HCRTR1: variants seen among roughly 807,000 people sequenced by gnomAD.
HCRTR1 encodes the protein orexin/Hypocretin receptor type 1.
Under a neutral mutation model 40.6 loss-of-function variants are expected in HCRTR1, and 28 were observed. The observed-to-expected ratio is 0.69, with a 90% CI of 0.51 to 0.95. HCRTR1 has a LOEUF of 0.95. Ranked by LOEUF, HCRTR1 falls within the 40% of genes least tolerant of loss-of-function variation. The pLI is 0.00. For missense variants in HCRTR1, 482 were observed against 564.7 expected (o/e 0.85, Z 1.48); for synonymous variants, 209 against 230.0 (o/e 0.91, Z 0.83).
downstream of HCRTR1, among the ~76,000 whole-genome samples, chr1:31,628,223 G>A (rs935553836): frequency 7.9e-5 from 12 of 152,244 alleles, no homozygotes; most frequent in African/African-American, 2.2e-4. Context: ...CGTCAAGAAC[G>A]TGGGCAGAGC....
At position 31,627,161 on chromosome 1, in the gene HCRTR1, A is replaced by C. The variant is rs560328924; in HGVS notation, c.*181A>C. The C allele has an allele frequency of 3.1e-5, 44 of 1,427,272 alleles. No individual in the cohort carries two copies. The East Asian group carries it at 1.1e-3, about 35-fold the overall frequency. The allele number at this position is 1,427,272 out of a possible 1,614,324, so 88.4% of individuals were successfully genotyped here. On this transcript the variant is annotated 3_prime_UTR_variant, in exon 9 of 9. Transcript: ENST00000403528. ...AGCAGGGTTGATGTGAGGATTAAGC[A>C]TGCTGAAGCAAGTGGAAAGCTCCTT... is the stretch of plus-strand genomic sequence containing the variant.
intron 4 of HCRTR1, 117 bp from the exon 5 acceptor site, chr1:31,620,726 T>C: frequency 1.5e-6 from 2 of 1,315,480 alleles, no homozygotes; most frequent in Non-Finnish European, 2.1e-6. Context: ...ACACAGCCAG[T>C]AAGTGGTGGA....
chr1:31,621,049 C>T lies in HCRTR1; in HGVS notation c.585C>T (p.Arg195=), dbSNP rs200568446. 5 of 1,611,504 alleles carry T rather than the reference C, an allele frequency of 3.1e-6. No individual in the cohort carries two copies. In the African/African-American group the frequency reaches 5.3e-5, roughly 17 times the overall value. ...GTGTGCTGCCTGAGCTAGCCAACCG[C>T]ACACGGCTCTTCTCAGTCTGTGATG... The part of the protein sequence containing the change: ...CSSVLPELAN[R]TRLFSVCDER... Residue 195 remains arginine, a synonymous_variant, in exon 5 of 9, where the codon CGC becomes CGT. Coordinates refer to ENST00000403528, the MANE Select transcript of HCRTR1 (RefSeq NM_001525.3).
chr1:31,619,473 T>C, intron 3 of HCRTR1, 59 bp from the exon 4 acceptor site: 1 of 1,612,066 alleles, frequency 6.2e-7, no homozygotes, highest in African/African-American at 1.3e-5. Flanking sequence ...GCTCGCTGAT[T>C]AGGCAGAACT....
chr1:31,623,680 T>A lies in HCRTR1; in HGVS notation c.896T>A (p.Met299Lys). 1.9e-6 allele frequency: 3 copies of A among 1,614,180 alleles called. No homozygotes were observed. Among genetic ancestry groups the A allele is most frequent in the Non-Finnish European group, 1.7e-6 (2 of 1,180,038 alleles). The change falls in exon 7 of 9, where the codon ATG (methionine) becomes AAG (lysine). Residue 299 changes from methionine to lysine, a missense_variant. By Grantham distance (95) the Met-to-Lys change is moderately conservative. Coordinates refer to ENST00000403528, the MANE Select transcript of HCRTR1 (RefSeq NM_001525.3). The part of the protein sequence containing the change: ...QMRARRKTAK[M>K]LMVVLLVFAL... The stretch of plus-strand genomic sequence containing the variant: ...CGTGCACGGAGGAAGACAGCCAAGA[T>A]GCTGATGGTGGTGCTGCTGGTCTTC...
At position 31,627,099 on chromosome 1, in the gene HCRTR1, G is replaced by A. The variant is rs201552167; in HGVS notation, c.*119G>A. The A allele has an allele frequency of 6.8e-7, 1 of 1,460,422 alleles. No homozygotes were observed. The highest frequency in any genetic ancestry group is 9.1e-7 in the Non-Finnish European group (1 of 1,093,926). The allele number at this position is 1,460,422 out of a possible 1,614,324, so 90.5% of individuals were successfully genotyped here. ...CTGGGTTTCTGCCTGTGTGACTCTG[G>A]ATAAGTCACTTCCTCTGTCTGAGCT... On this transcript the variant is annotated 3_prime_UTR_variant, in exon 9 of 9. Coordinates refer to ENST00000403528, the MANE Select transcript of HCRTR1 (RefSeq NM_001525.3).
chr1:31,618,641 G>A (rs1433396407), intron 1 of HCRTR1, 115 bp from the exon 2 acceptor site: 1 of 155,162 alleles, frequency 6.4e-6, no homozygotes, highest in African/African-American at 2.4e-5. Flanking sequence ...TGGCTTAAGA[G>A]CTTTGTGACC....
Position 31,625,624 on chromosome 1 carries a change from G to T in HCRTR1, c.1087+506G>T, listed in dbSNP as rs1460777658. Among the ~76,000 whole-genome samples the T allele has an allele frequency of 6.6e-6, 1 of 152,182 alleles. No homozygotes were observed. Among genetic ancestry groups the T allele is most frequent in the Non-Finnish European group, 1.5e-5 (1 of 68,036 alleles). The stretch of plus-strand genomic sequence containing the variant: ...GCTAGACACACTGGCAGAGTGACCG[G>T]AATCTCAGGGGTTGTCCCCTCTGGA... On this transcript the variant is annotated intron_variant, in intron 8 of 8. Coordinates refer to ENST00000403528, the MANE Select transcript of HCRTR1 (RefSeq NM_001525.3). This position sits in a 1 kb window ranked among gnomAD's most constrained non-coding sequence, Gnocchi z 4.2.
intron 6 of HCRTR1, 29 bp from the exon 7 acceptor site, chr1:31,623,494 C>A: frequency 6.3e-7 from 1 of 1,588,566 alleles, no homozygotes; most frequent in Non-Finnish European, 8.6e-7. Flanking sequence ...GCTGTACCCA[C>A]CACTGCTGTC....
At position 31,621,008 on chromosome 1, in the gene HCRTR1, G is replaced by A; in HGVS notation, c.544G>A (p.Val182Ile). Residue 182 changes from valine (V) to isoleucine (I), a missense_variant, in exon 5 of 9, where the codon GTC becomes ATC. Coordinates refer to ENST00000403528, the MANE Select transcript of HCRTR1 (RefSeq NM_001525.3). ...GGCCATCATGGTGCCCCAGGCTGCA[G>A]TCATGGAATGCAGCAGTGTGCTGCC... is the stretch of plus-strand genomic sequence containing the variant. The part of the protein sequence containing the change: ...SLAIMVPQAA[V>I]MECSSVLPEL... 1 of 1,613,800 alleles carries A rather than the reference G, an allele frequency of 6.2e-7. No homozygotes were observed. The highest frequency in any genetic ancestry group is 8.5e-7 in the Non-Finnish European group (1 of 1,180,010).
Position 31,621,895 on chromosome 1 carries a change from G to A in HCRTR1, c.738+303G>A, listed in dbSNP as rs76455885. 6.6e-5 allele frequency among the ~76,000 whole-genome samples: 10 copies of A among 152,168 alleles called. No homozygotes were observed. The East Asian group carries it at 1.3e-3, about 21-fold the overall frequency. Reference sequence around the variant, plus strand: ...CCCACATTAAATATATGAGAAAACCGAGACCCAGAAGATCAACATAACTTC... The same window carrying A: ...CCCACATTAAATATATGAGAAAACCAAGACCCAGAAGATCAACATAACTTC... On this transcript the variant is annotated intron_variant, in intron 6 of 8. Coordinates refer to ENST00000403528, the MANE Select transcript of HCRTR1 (RefSeq NM_001525.3).
intron 6 of HCRTR1, among the ~76,000 whole-genome samples, chr1:31,623,060 G>T (rs909968785): frequency 1.3e-5 from 2 of 152,156 alleles, no homozygotes; most frequent in African/African-American, 4.8e-5. Flanking sequence ...TGGGCGCAGT[G>T]GCTCACACCT....
chr1:31,624,888 G>T, intron 7 of HCRTR1, 109 bp from the exon 8 acceptor site: 1 of 1,202,518 alleles, frequency 8.3e-7, no homozygotes, highest in Non-Finnish European at 1.1e-6. Context: ...GGACAGAAGT[G>T]GGCAGTAGGA....
At chr1:31,619,755 T>TA (rs1245658552) in intron 4 of HCRTR1, 45 bp downstream of exon 4, 3 of 1,537,944 alleles carry the variant, frequency 2.0e-6, no homozygotes, top group Non-Finnish European at 2.6e-6. Flanking sequence ...GTCACGCCTG[T>TA]AAAAAACCCA....
intron 7 of HCRTR1, among the ~76,000 whole-genome samples, chr1:31,624,595 G>C (rs1209217566): frequency 6.6e-6 from 1 of 152,200 alleles, no homozygotes; most frequent in Non-Finnish European, 1.5e-5. Context: ...CAGGCTATTG[G>C]ACAGAAGACA....
At chr1:31,620,533 A>C (rs1035414156) in intron 4 of HCRTR1, among the ~76,000 whole-genome samples, 2 of 152,342 alleles carry the variant, frequency 1.3e-5, no homozygotes, top group East Asian at 3.9e-4. Flanking sequence ...TGCCCAGCAC[A>C]TAGTAAGTTA....
downstream of HCRTR1, among the ~76,000 whole-genome samples, chr1:31,629,292 C>T (rs553925517): frequency 7.9e-5 from 12 of 152,356 alleles, no homozygotes; most frequent in African/African-American, 2.6e-4. Flanking sequence ...GAGCCCTGCA[C>T]AGGGCCTCAG....
downstream of HCRTR1, chr1:31,627,664 C>T: frequency 3.5e-6 from 1 of 284,896 alleles, no homozygotes; most frequent in Non-Finnish European, 7.0e-6. Context: ...AGGTTAGGAG[C>T]AGAAGAAGGT....
At chr1:31,631,634 A>G (rs999136162), downstream of HCRTR1, among the ~76,000 whole-genome samples, 2 of 152,234 alleles carry the variant, frequency 1.3e-5, no homozygotes, top group African/African-American at 4.8e-5. Context: ...TATAAATAGT[A>G]CCTAGCACAT....
Sources: gnomAD v4.1 joint callset for allele counts (sites outside exome capture counted in the v4.1 genomes callset) on GRCh38, gnomAD v4.1.1 for gene constraint, Gnocchi (gnomAD v3.1) non-coding constraint, MANE v1.5 for transcripts, NCBI Gene and HGNC (gene_info 2026-07-23, HGNC 2026-07-21) for gene names.